DUOXA1: variants seen among roughly 807,000 people sequenced by gnomAD.
DUOXA1 encodes the protein dual oxidase activator 1.
Under a neutral mutation model 26.6 loss-of-function variants are expected in DUOXA1, and 19 were observed. That is an observed-to-expected ratio of 0.71 (90% CI 0.50 to 1.05). The LOEUF (loss-of-function observed/expected upper bound fraction) is 1.05, where lower values mean the gene tolerates loss of function less well. DUOXA1 is among the 50% of genes least tolerant of loss of function. The pLI is 0.00. For synonymous variants in DUOXA1, 166 were observed against 177.0 expected (o/e 0.94, Z 0.49); for missense variants, 403 against 427.5 (o/e 0.94, Z 0.51).
In DUOXA1 at chr15:45,117,890, G is replaced by C. The variant is rs1404751893; in HGVS notation, c.*1216C>G. 1 of 1,613,476 alleles carries C rather than the reference G, an allele frequency of 6.2e-7. No homozygotes were observed. The highest frequency in any genetic ancestry group is 8.5e-7 in the Non-Finnish European group (1 of 1,180,046). On this transcript the variant is annotated 3_prime_UTR_variant, in exon 9 of 9. Coordinates refer to ENST00000560572, the MANE Select transcript of DUOXA1 (RefSeq NM_001276266.2). Reference sequence around the variant, plus strand: ...CAGGCCGCTCTCCCAGACTTAAAATGTATCACCACTAACCTGTGAGGGGGA... The same window carrying C: ...CAGGCCGCTCTCCCAGACTTAAAATCTATCACCACTAACCTGTGAGGGGGA...
chr15:45,124,098 A>G (rs887359789), intron 3 of DUOXA1, among the ~76,000 whole-genome samples: 1 of 152,158 alleles, frequency 6.6e-6, no homozygotes, highest in Admixed American at 6.5e-5. Flanking sequence ...CATTTCATGC[A>G]GTGTGATCTG....
chr15:45,119,001 G>A lies in DUOXA1; in HGVS notation c.*105C>T. ...TACTCCGTCTGTAGATTGGTGCTGG[G>A]TGTCTGGTAACAGCCACCCTGAGGG... On this transcript the variant is annotated 3_prime_UTR_variant, in exon 9 of 9. Coordinates refer to ENST00000560572, the MANE Select transcript of DUOXA1 (RefSeq NM_001276266.2). The A allele has an allele frequency of 6.8e-7, 1 of 1,481,276 alleles. No individual in the cohort carries two copies. The allele number at this position is 1,481,276 out of a possible 1,614,324, so 91.8% of individuals were successfully genotyped here.
chr15:45,121,548 T>C (rs893452019), intron 5 of DUOXA1, among the ~76,000 whole-genome samples: 1 of 152,248 alleles, frequency 6.6e-6, no homozygotes, highest in Admixed American at 6.5e-5. Flanking sequence ...GGAGTCTTGC[T>C]CTGTCTCCCA....
chr15:45,119,499 G>A, intron 8 of DUOXA1, 134 bp from the exon 9 acceptor site: 1 of 1,379,170 alleles, frequency 7.3e-7, no homozygotes, highest in South Asian at 1.5e-5. Flanking sequence ...GCTCAGAGAG[G>A]TGACTGGCTG....
chr15:45,120,269 C>T lies in DUOXA1; in HGVS notation c.606G>A (p.Val202=). Residue 202 remains valine, a synonymous_variant, in exon 8 of 9, where the codon GTG becomes GTA. Coordinates refer to ENST00000560572, the MANE Select transcript of DUOXA1 (RefSeq NM_001276266.2). ...LLANVMLSMP[V]LVYGGYMLLA... ...ATAGCATGTAGCCACCATATACCAG[C>T]ACAGGCATGGAGAGCATCACATTGG... The T allele has an allele frequency of 1.2e-6, 2 of 1,614,140 alleles. No homozygotes were observed. The highest frequency in any genetic ancestry group is 2.2e-5 in the South Asian group (2 of 91,080).
At position 45,120,255 on chromosome 15, in the gene DUOXA1, C is replaced by T. The variant is rs766732857; in HGVS notation, c.620G>A (p.Gly207Asp). Reference protein sequence around the residue: ...MLSMPVLVYGGYMLLATGIFQ... With the variant: ...MLSMPVLVYGDYMLLATGIFQ... ...GATGCCCGTGGCCAATAGCATGTAG[C>T]CACCATATACCAGCACAGGCATGGA... Residue 207 changes from glycine (G) to aspartate (D), a missense_variant, in exon 8 of 9, where the codon GGC becomes GAC. Gly to Asp is a moderately conservative substitution (Grantham distance 94, BLOSUM62 -1). Transcript: ENST00000560572. 1.2e-6 allele frequency: 2 copies of T among 1,614,124 alleles called. No homozygotes were observed. The highest frequency in any genetic ancestry group is 2.7e-5 in the African/African-American group (2 of 75,006).
chr15:45,121,436 G>A (rs978691596), intron 5 of DUOXA1, among the ~76,000 whole-genome samples: 20 of 152,188 alleles, frequency 1.3e-4, no homozygotes, highest in Non-Finnish European at 1.8e-4. Context: ...CTTTCTCCCT[G>A]CTTTAGGGAG....
At position 45,129,778 on chromosome 15, in the gene DUOXA1, A is replaced by G. The variant is rs1896022793; in HGVS notation, c.-303+74T>C. The stretch of plus-strand genomic sequence containing the variant: ...CGGACTTGCTTTTTTCGCCGTCCAC[A>G]CAACCGCACTAGCCGGGCCTTCGGC... On this transcript the variant is annotated intron_variant, in intron 1 of 8. Transcript: ENST00000560572. This position sits in a 1 kb window ranked among gnomAD's most constrained non-coding sequence, Gnocchi z 4.1. 2.6e-5 allele frequency: 4 copies of G among 152,164 alleles called. 1 individual carries two copies. In the South Asian group the frequency reaches 8.3e-4, roughly 32 times the overall value. 9.4% of individuals were successfully genotyped at this position (152,164 alleles called of 1,614,324 possible). A position where few individuals can be genotyped will look rare whatever the true frequency, so the allele number is the denominator to read the frequency against.
chr15:45,117,470 T>TG lies in DUOXA1; in HGVS notation c.*1635dup, dbSNP rs1566983489. The TG allele has an allele frequency of 1.9e-6, 3 of 1,548,202 alleles. No homozygotes were observed. The highest frequency in any genetic ancestry group is 1.4e-5 in the African/African-American group (1 of 73,040). On this transcript the variant is annotated 3_prime_UTR_variant, in exon 9 of 9. Coordinates refer to ENST00000560572, the MANE Select transcript of DUOXA1 (RefSeq NM_001276266.2). Reference sequence around the variant, plus strand: ...TTATGACCATTTTACAGATGAAAAGTGGGGGGCTCAGAAGGGTTTGGTGTC... The same window carrying TG: ...TTATGACCATTTTACAGATGAAAAGTGGGGGGGCTCAGAAGGGTTTGGTGTC...
chr15:45,117,885 A>T lies in DUOXA1; in HGVS notation c.*1221T>A, dbSNP rs761057646. 5.6e-6 allele frequency: 9 copies of T among 1,613,378 alleles called. No individual in the cohort carries two copies. The Admixed American group carries it at 1.5e-4, about 27-fold the overall frequency. On this transcript the variant is annotated 3_prime_UTR_variant, in exon 9 of 9. Transcript: ENST00000560572. ...ACAAGCAGGCCGCTCTCCCAGACTTAAAATGTATCACCACTAACCTGTGAG... is the reference window on the plus strand; with the variant it reads ...ACAAGCAGGCCGCTCTCCCAGACTTTAAATGTATCACCACTAACCTGTGAG...
chr15:45,120,987 C>T, intron 6 of DUOXA1, 100 bp downstream of exon 6: 2 of 1,568,654 alleles, frequency 1.3e-6, no homozygotes, highest in Non-Finnish European at 1.7e-6. Flanking sequence ...ATCCTCCCAG[C>T]CCCTGTGCCA....
Position 45,128,807 on chromosome 15 carries a change from G to C in DUOXA1, c.-30+211C>G, listed in dbSNP as rs573929851. On this transcript the variant is annotated intron_variant, in intron 3 of 8. Coordinates refer to ENST00000560572, the MANE Select transcript of DUOXA1 (RefSeq NM_001276266.2). ...AACCTTGTGGCATTTATGGCCTTAA[G>C]AGGTTTTCCTTGCCTCCCCAGTTTC... The C allele has an allele frequency of 1.4e-4, 21 of 152,300 alleles. No homozygotes were observed. The East Asian group carries it at 4.1e-3, about 29-fold the overall frequency. The allele number at this position is 152,300 out of a possible 1,614,324, so 9.4% of individuals were successfully genotyped here. A position where few individuals can be genotyped will look rare whatever the true frequency, so the allele number is the denominator to read the frequency against.
At chr15:45,128,787 T>A (rs961979826) in intron 3 of DUOXA1, 4 of 152,204 alleles carry the variant, frequency 2.6e-5, no homozygotes, top group African/African-American at 9.6e-5. Context: ...CTATAAACCT[T>A]GTGGCATTTA....
At chr15:45,120,982 C>T in intron 6 of DUOXA1, 105 bp downstream of exon 6, 2 of 1,564,154 alleles carry the variant, frequency 1.3e-6, no homozygotes, top group Non-Finnish European at 1.7e-6. Flanking sequence ...CACACATCCT[C>T]CCAGCCCCTG....
chr15:45,120,035 T>C, intron 8 of DUOXA1, 68 bp downstream of exon 8: 1 of 1,572,858 alleles, frequency 6.4e-7, no homozygotes, highest in East Asian at 2.2e-5. Flanking sequence ...TCTACCGACA[T>C]GATGCCCCCA....
At chr15:45,127,202 A>G (rs1335544652) in intron 3 of DUOXA1, among the ~76,000 whole-genome samples, 3 of 152,242 alleles carry the variant, frequency 2.0e-5, no homozygotes, top group African/African-American at 7.2e-5. Flanking sequence ...GCTAACAGCA[A>G]GAACACATGT....
Position 45,117,808 on chromosome 15 carries a change from G to A in DUOXA1, c.*1298C>T. 3.1e-6 allele frequency: 5 copies of A among 1,613,952 alleles called. No homozygotes were observed. The highest frequency in any genetic ancestry group is 3.4e-6 in the Non-Finnish European group (4 of 1,180,054). ...CACCCTTCTGGACCAAAGCGCCAAG[G>A]ACTGCAGCCAGGAGAGAGGGGGCTC... On this transcript the variant is annotated 3_prime_UTR_variant, in exon 9 of 9. Coordinates refer to ENST00000560572, the MANE Select transcript of DUOXA1 (RefSeq NM_001276266.2).
At position 45,120,209 on chromosome 15, in the gene DUOXA1, G is replaced by T. The variant is rs757152121; in HGVS notation, c.666C>A (p.Leu222=). Residue 222 remains leucine (L), a synonymous_variant, in exon 8 of 9, where the codon CTC becomes CTA. Coordinates refer to ENST00000560572, the MANE Select transcript of DUOXA1 (RefSeq NM_001276266.2). ...ATGIFQLLAL[L]FFSMATSLTS... is the part of the protein sequence containing the mutation. The stretch of plus-strand genomic sequence containing the variant: ...TGAGTGATGTGGCCATGGAGAAGAA[G>T]AGCAGAGCCAACAGCTGGAAGATGC... 32 of 1,613,982 alleles carry T rather than the reference G, an allele frequency of 2.0e-5. No homozygotes were observed. Among genetic ancestry groups the T allele is most frequent in the East Asian group, 4.5e-5 (2 of 44,886 alleles).
chr15:45,120,407 C>G, intron 7 of DUOXA1, 87 bp from the exon 8 acceptor site: 1 of 1,525,256 alleles, frequency 6.6e-7, no homozygotes, highest in Non-Finnish European at 9.1e-7. Context: ...GTTCAGGGAC[C>G]CAAGAGTGAC....
Sources: allele counts gnomAD v4.1 joint callset (sites outside exome capture counted in the v4.1 genomes callset), GRCh38; gene constraint gnomAD v4.1.1; non-coding constraint Gnocchi (gnomAD v3.1); transcripts MANE v1.5; gene names NCBI Gene and HGNC (gene_info 2026-07-23, HGNC 2026-07-21).